Variants in WASF1 observed in about 807,000 individuals in gnomAD.
The protein encoded by WASF1 is WASP family member 1.
A neutral mutation model predicts 50.5 loss-of-function variants in WASF1; 7 were observed. The ratio of observed to expected loss-of-function variants is 0.14; its 90% confidence interval spans 0.08 to 0.26. WASF1 has a LOEUF of 0.26. Among genes scored for constraint, WASF1 ranks in the 10% least tolerant of loss-of-function variants. The pLI, the probability that WASF1 is intolerant of heterozygous loss-of-function variation, is 1.00. For synonymous variants in WASF1, 205 were observed against 244.0 expected, an observed-to-expected ratio of 0.84 and a Z score of 1.49; for missense variants, 470 against 694.7, an observed-to-expected ratio of 0.68 and a Z score of 3.64.
chr6:110,137,452 CA>C (rs1775019300), intron 3 of WASF1, among the ~76,000 whole-genome samples: 1 of 152,160 alleles, frequency 6.6e-6, no homozygotes, highest in African/African-American at 2.4e-5. Flanking sequence ...ACAGGTAATT[CA>C]AAATCTAAGC....
intron 3 of WASF1, among the ~76,000 whole-genome samples, chr6:110,143,200 T>C (rs1562179675): frequency 6.6e-6 from 1 of 151,952 alleles, no homozygotes; most frequent in Non-Finnish European, 1.5e-5. Flanking sequence ...AATCCTGATA[T>C]AGATTTTAAC....
At chr6:110,117,923 A>G (rs146417149) in intron 4 of WASF1, among the ~76,000 whole-genome samples, 2,936 of 152,272 alleles carry the variant, frequency 0.019, 91 homozygotes, top group African/African-American at 0.067. Flanking sequence ...AAGCTTCATA[A>G]GCCAAGGAGA....
chr6:110,100,557 C>T lies in WASF1; in HGVS notation c.1645G>A (p.Asp549Asn). ...CAATCTACTTCATCAAATTCTGAAT[C>T]ATCTTCCGAATCACTATATTCAACA... ...IAVEYSDSED[D>N]SEFDEVDWLE The change falls in exon 11 of 11, where the codon GAT becomes AAT. Residue 549 changes from aspartate to asparagine, a missense_variant. Physicochemically the swap from Asp to Asn is conservative, Grantham distance 23 (BLOSUM62 1). Around this residue, in one of 3 missense-constraint regions of WASF1, gnomAD observed 36 missense variants for 90.7 expected, o/e 0.40. Transcript: ENST00000392589. 1.2e-6 allele frequency: 2 copies of T among 1,612,760 alleles called. No homozygotes were observed. Among genetic ancestry groups the T allele is most frequent in the Non-Finnish European group, 1.7e-6 (2 of 1,179,526 alleles).
intron 3 of WASF1, among the ~76,000 whole-genome samples, chr6:110,155,290 G>A (rs1433015188): frequency 6.6e-6 from 1 of 151,954 alleles, no homozygotes; most frequent in Non-Finnish European, 1.5e-5. Context: ...TCGGCTATAA[G>A]CACAAACTGG....
At position 110,139,159 on chromosome 6, in the gene WASF1, T is replaced by C. The variant is rs76305013; in HGVS notation, c.-28-11530A>G. Among the ~76,000 whole-genome samples, 632 of 152,330 alleles carry C rather than the reference T, an allele frequency of 4.1e-3. 8 individuals are homozygous for C. Among genetic ancestry groups the C allele is most frequent in the African/African-American group, 0.013 (555 of 41,582 alleles). ...GCCAGCTTGTGACACCACCCGGGCT[T>C]AGCCACAACTTTGCTCTGCCCTGGA... is the stretch of plus-strand genomic sequence containing the variant. On this transcript the variant is annotated intron_variant, in intron 3 of 10. Transcript: ENST00000392589.
rs1167919534 is a variant in WASF1 at position 110,112,857 on chromosome 6, GC to G, written c.268+468del. On this transcript the variant is annotated intron_variant, in intron 5 of 10. Coordinates refer to ENST00000392589, the MANE Select transcript of WASF1 (RefSeq NM_003931.3). ...GGAGGTTGCAGTGAGCCGAGATTGC[GC>G]CACTGCACTCCAGCCTAGTGACAGA... Among the ~76,000 whole-genome samples, 3 of 142,032 alleles carry G rather than the reference GC, an allele frequency of 2.1e-5. No individual in the cohort carries two copies. The South Asian group carries it at 6.6e-4, about 31-fold the overall frequency. The allele number at this position is 142,032 out of a possible 152,430, so 93.2% of individuals were successfully genotyped here. A position where few individuals can be genotyped will look rare whatever the true frequency, so the allele number is the denominator to read the frequency against.
At chr6:110,102,752 C>G (rs1388736296) in intron 9 of WASF1, among the ~76,000 whole-genome samples, 2 of 147,556 alleles carry the variant, frequency 1.4e-5, no homozygotes, top group Admixed American at 1.3e-4. Flanking sequence ...GGATTTTTAA[C>G]TGAAAATTGT....
chr6:110,158,361 T>C (rs1776113862), intron 3 of WASF1, among the ~76,000 whole-genome samples: 1 of 117,622 alleles, frequency 8.5e-6, no homozygotes, highest in Admixed American at 8.7e-5. Context: ...TTTGTAGTAT[T>C]CTCTGATGGT....
At chr6:110,150,941 G>A (rs1217237174) in intron 3 of WASF1, among the ~76,000 whole-genome samples, 1 of 152,200 alleles carries the variant, frequency 6.6e-6, no homozygotes, top group African/African-American at 2.4e-5. Flanking sequence ...GGAGGCTGAG[G>A]CAGGAGAATC....
At chr6:110,176,467 G>A (rs922108960) in intron 2 of WASF1, among the ~76,000 whole-genome samples, 1 of 151,734 alleles carries the variant, frequency 6.6e-6, no homozygotes, top group African/African-American at 2.4e-5. Flanking sequence ...ACAGGTAATG[G>A]AATTATATCT....
chr6:110,110,061 G>C (rs1056450840), intron 5 of WASF1, among the ~76,000 whole-genome samples: 2 of 152,162 alleles, frequency 1.3e-5, no homozygotes, highest in Non-Finnish European at 1.5e-5. Flanking sequence ...AAAATTCAGA[G>C]AAGCAAAAAG....
intron 3 of WASF1, among the ~76,000 whole-genome samples, chr6:110,145,870 C>T (rs942627929): frequency 6.6e-6 from 1 of 151,182 alleles, no homozygotes; most frequent in Non-Finnish European, 1.5e-5. Context: ...TCTCAGCAAA[C>T]TATAACAAGG....
intron 1 of WASF1, 100 bp downstream of exon 1, chr6:110,179,339 C>A (rs1451956363): frequency 6.6e-6 from 1 of 152,300 alleles, no homozygotes; most frequent in Non-Finnish European, 1.5e-5. Flanking sequence ...GTCACCTTTG[C>A]GGGCCACACA....
chr6:110,138,309 AGT>A (rs578212115), intron 3 of WASF1, among the ~76,000 whole-genome samples: 42 of 152,330 alleles, frequency 2.8e-4, no homozygotes, highest in Non-Finnish European at 5.0e-4. Flanking sequence ...CCCCAAAGAG[AGT>A]GTCACAGCAA....
At chr6:110,167,488 G>T (rs1776527862) in intron 2 of WASF1, among the ~76,000 whole-genome samples, 1 of 151,876 alleles carries the variant, frequency 6.6e-6, no homozygotes, top group South Asian at 2.1e-4. Context: ...CTAGGATAAG[G>T]TGTGTGTTTC....
intron 3 of WASF1, among the ~76,000 whole-genome samples, chr6:110,138,747 T>C (rs971098925): frequency 1.3e-5 from 2 of 152,200 alleles, no homozygotes; most frequent in African/African-American, 2.4e-5. Flanking sequence ...GAGTCTGAAG[T>C]TTTTATGGGC....
chr6:110,163,269 T>C (rs1465058217), intron 2 of WASF1, among the ~76,000 whole-genome samples: 1 of 151,652 alleles, frequency 6.6e-6, no homozygotes, highest in African/African-American at 2.4e-5. Flanking sequence ...GGATAGTTTC[T>C]TATTTGGGGC....
intron 2 of WASF1, among the ~76,000 whole-genome samples, chr6:110,165,127 A>T (rs1193273771): frequency 2.6e-5 from 4 of 151,586 alleles, no homozygotes; most frequent in African/African-American, 9.7e-5. Flanking sequence ...GAAATTACAC[A>T]TTTCTCGTAT....
chr6:110,176,991 G>C (rs1776957499), intron 2 of WASF1, among the ~76,000 whole-genome samples: 1 of 151,976 alleles, frequency 6.6e-6, no homozygotes, highest in African/African-American at 2.4e-5. Context: ...ACTATGTACT[G>C]TGATAATGAA....
Sources: gnomAD v4.1 joint callset for allele counts (sites outside exome capture counted in the v4.1 genomes callset) on GRCh38, gnomAD v4.1.1 for gene constraint, gnomAD v4.1.1 regional missense constraint, MANE v1.5 for transcripts, NCBI Gene and HGNC (gene_info 2026-07-23, HGNC 2026-07-21) for gene names.